Variants in AHI1 observed in about 807,000 individuals in gnomAD.
The protein encoded by AHI1 is jouberin.
AHI1 carries 123 observed loss-of-function variants against 149.3 expected under a neutral mutation model. The ratio of observed to expected loss-of-function variants is 0.82; its 90% confidence interval spans 0.71 to 0.96. AHI1 has a LOEUF of 0.96. Among genes scored for constraint, AHI1 ranks in the 40% least tolerant of loss-of-function variants. AHI1 has a pLI of 0.00. For missense variants in AHI1, 1,439 were observed against 1,422.7 expected (o/e 1.01, Z -0.18); for synonymous variants, 475 against 459.8 (o/e 1.03, Z -0.42).
intron 12 of AHI1, among the ~76,000 whole-genome samples, chr6:135,448,014 A>AT (rs1228442785): frequency 3.3e-5 from 5 of 152,168 alleles, no homozygotes; most frequent in Non-Finnish European, 7.4e-5. Flanking sequence ...TACAGAAACT[A>AT]TTTTTCAACT....
At chr6:135,329,596 G>C (rs902603831) in intron 24 of AHI1, among the ~76,000 whole-genome samples, 2 of 152,150 alleles carry the variant, frequency 1.3e-5, no homozygotes, top group Non-Finnish European at 2.9e-5. Context: ...GATGCACAAG[G>C]AGATAAATGT....
intron 24 of AHI1, among the ~76,000 whole-genome samples, chr6:135,352,310 C>T (rs1284225483): frequency 6.6e-6 from 1 of 152,152 alleles, no homozygotes; most frequent in Admixed American, 6.5e-5. Flanking sequence ...ATCACATTTT[C>T]CAATCTTCTA....
chr6:135,477,617 C>A (rs1199885725), intron 5 of AHI1, among the ~76,000 whole-genome samples: 2 of 152,052 alleles, frequency 1.3e-5, no homozygotes, highest in African/African-American at 4.8e-5. Flanking sequence ...GGAGTTCTTG[C>A]AAGATCTGAT....
chr6:135,410,643 A>G (rs1368229622), intron 21 of AHI1, among the ~76,000 whole-genome samples: 3 of 152,176 alleles, frequency 2.0e-5, no homozygotes, highest in Admixed American at 6.6e-5. Flanking sequence ...ACCATTTGCA[A>G]TGTGGAATTA....
intron 23 of AHI1, among the ~76,000 whole-genome samples, chr6:135,372,667 G>A (rs1775247480): frequency 6.6e-6 from 1 of 152,146 alleles, no homozygotes; most frequent in Non-Finnish European, 1.5e-5. Flanking sequence ...GTGACAGGGT[G>A]AGACTTTGTC....
intron 5 of AHI1, among the ~76,000 whole-genome samples, chr6:135,472,441 T>C (rs1791900971): frequency 6.6e-6 from 1 of 152,194 alleles, no homozygotes; most frequent in African/African-American, 2.4e-5. Context: ...CACCAATTAA[T>C]AGATGTGAAT....
chr6:135,440,864 G>A (rs564559711), intron 14 of AHI1, among the ~76,000 whole-genome samples: 2 of 152,222 alleles, frequency 1.3e-5, no homozygotes, highest in South Asian at 4.1e-4. Context: ...GAGGGCATCT[G>A]ATTTCCAGAG....
rs149638699 is a variant in AHI1 at position 135,369,017 on chromosome 6, G to A, written c.3110-10830C>T. Among the ~76,000 whole-genome samples, 8 of 152,326 alleles carry A rather than the reference G, an allele frequency of 5.3e-5. No individual in the cohort carries two copies. In the East Asian group the frequency reaches 1.5e-3, roughly 29 times the overall value. ...TTGTCTTTCTTCAATTCCACTGGCAGCCCTCCCCAAGGACTCCTGCAAGAC... is the reference window on the plus strand; with the variant it reads ...TTGTCTTTCTTCAATTCCACTGGCAACCCTCCCCAAGGACTCCTGCAAGAC... On this transcript the variant is annotated intron_variant, in intron 23 of 28. Coordinates refer to ENST00000265602, the MANE Select transcript of AHI1 (RefSeq NM_001134831.2).
chr6:135,338,555 G>A (rs193143800), intron 24 of AHI1, among the ~76,000 whole-genome samples: 148 of 152,212 alleles, frequency 9.7e-4, no homozygotes, highest in Non-Finnish European at 1.3e-3. Context: ...CAGTGAAATG[G>A]GCTCCTCCAA....
intron 22 of AHI1, among the ~76,000 whole-genome samples, chr6:135,403,030 G>A (rs1780245071): frequency 6.6e-6 from 1 of 152,134 alleles, no homozygotes; most frequent in Non-Finnish European, 1.5e-5. Flanking sequence ...AAAGAAGTCA[G>A]TTATAAATGA....
intron 23 of AHI1, among the ~76,000 whole-genome samples, chr6:135,368,462 C>A (rs1264458690): frequency 1.3e-5 from 2 of 152,022 alleles, no homozygotes; most frequent in Non-Finnish European, 2.9e-5. Flanking sequence ...GAGATTATAT[C>A]CTTTGTCTTA....
At chr6:135,345,105 C>T (rs192648944) in intron 24 of AHI1, among the ~76,000 whole-genome samples, 1 of 152,256 alleles carries the variant, frequency 6.6e-6, no homozygotes, top group East Asian at 1.9e-4. Context: ...ATTATCGTCA[C>T]TGGGAAATGC....
chr6:135,483,177 T>C lies in AHI1; in HGVS notation c.135+7446A>G, dbSNP rs1054141211. On this transcript the variant is annotated intron_variant, in intron 5 of 28. Coordinates refer to ENST00000265602, the MANE Select transcript of AHI1 (RefSeq NM_001134831.2). ...CCTCCCAAAGTGCTGGGATTACAGG[T>C]GTGAGCCACCACACCCAGCCCATTT... Among the ~76,000 whole-genome samples the C allele has an allele frequency of 3.3e-5, 5 of 151,694 alleles. No homozygotes were observed. The East Asian group carries it at 9.7e-4, about 29-fold the overall frequency.
chr6:135,370,526 C>A (rs980088933), intron 23 of AHI1, among the ~76,000 whole-genome samples: 1 of 152,220 alleles, frequency 6.6e-6, no homozygotes, highest in Non-Finnish European at 1.5e-5. Flanking sequence ...AGCAGTAGCT[C>A]TGATTATAGA....
At chr6:135,290,725 C>A (rs1782242252) in intron 27 of AHI1, among the ~76,000 whole-genome samples, 200 bp from the exon 28 acceptor site, 1 of 152,146 alleles carries the variant, frequency 6.6e-6, no homozygotes, top group Non-Finnish European at 1.5e-5. Flanking sequence ...ATAACGTTAA[C>A]AGACAAACCT....
intron 5 of AHI1, among the ~76,000 whole-genome samples, chr6:135,489,612 C>G (rs556181840): frequency 6.6e-6 from 1 of 152,242 alleles, no homozygotes; most frequent in South Asian, 2.1e-4. Context: ...AAAGCACATG[C>G]TATTTCAGAG....
chr6:135,444,303 G>A (rs531245992), intron 13 of AHI1, among the ~76,000 whole-genome samples: 8 of 152,030 alleles, frequency 5.3e-5, no homozygotes, highest in African/African-American at 1.2e-4. Flanking sequence ...TCACTCACCC[G>A]AAAACCTTCC....
chr6:135,384,423 AAC>A (rs1403120246), intron 23 of AHI1, among the ~76,000 whole-genome samples: 1 of 152,210 alleles, frequency 6.6e-6, no homozygotes, highest in Non-Finnish European at 1.5e-5. Context: ...ATGAAATAAT[AAC>A]TTGCTCAAGT....
chr6:135,448,581 G>A (rs1787604502), intron 11 of AHI1, 106 bp from the exon 12 acceptor site: 2 of 880,544 alleles, frequency 2.3e-6, no homozygotes, highest in Non-Finnish European at 3.1e-6. Context: ...AATATGGCAT[G>A]CTGAAATTTC....
Sources: gnomAD v4.1 joint callset for allele counts (sites outside exome capture counted in the v4.1 genomes callset) on GRCh38, gnomAD v4.1.1 for gene constraint, MANE v1.5 for transcripts, NCBI Gene and HGNC (gene_info 2026-07-23, HGNC 2026-07-21) for gene names.